Variants in CHSY1 observed in about 807,000 individuals in gnomAD.
CHSY1 encodes the protein N-acetylgalactosaminyl-proteoglycan 3-beta-glucuronosyltransferase 1.
CHSY1 carries 13 observed loss-of-function variants against 59.8 expected under a neutral mutation model. The ratio of observed to expected loss-of-function variants is 0.22; its 90% confidence interval spans 0.14 to 0.35. CHSY1 has a LOEUF of 0.35. CHSY1 is among the 10% of genes least tolerant of loss of function. The probability of loss-of-function intolerance (pLI) is 1.00; values close to 1 mark genes in which losing one functional copy is unlikely to be tolerated. For synonymous variants in CHSY1, 459 were observed against 401.2 expected, an observed-to-expected ratio of 1.14 and a Z score of -1.72; for missense variants, 947 against 1,030.6, an observed-to-expected ratio of 0.92 and a Z score of 1.11.
intron 2 of CHSY1, among the ~76,000 whole-genome samples, chr15:101,181,314 C>T (rs1056212963): frequency 1.3e-5 from 2 of 152,212 alleles, no homozygotes; most frequent in African/African-American, 2.4e-5. Context: ...ATGACAATTC[C>T]GGCAGAGATT....
chr15:101,239,554 T>G (rs1267266295), intron 1 of CHSY1, among the ~76,000 whole-genome samples: 1 of 152,188 alleles, frequency 6.6e-6, no homozygotes, highest in African/African-American at 2.4e-5. Context: ...TGTAAACAGC[T>G]TAGAAGCCTG....
chr15:101,212,813 T>C (rs1013627844), intron 2 of CHSY1, among the ~76,000 whole-genome samples: 1 of 152,082 alleles, frequency 6.6e-6, no homozygotes, highest in African/African-American at 2.4e-5. Context: ...ATAATAAACA[T>C]GTAGAAAACA....
intron 2 of CHSY1, among the ~76,000 whole-genome samples, chr15:101,205,931 GAA>G (rs955342671): frequency 6.6e-6 from 1 of 151,082 alleles, no homozygotes; most frequent in African/African-American, 2.4e-5. Flanking sequence ...CAGCCTGGGC[GAA>G]AGAGAGAGAC....
In CHSY1 at chr15:101,251,403, C is replaced by T; in HGVS notation, c.54G>A (p.Leu18=). ...CGAGCCGCGAGGCCAGCACGAAGCC[C>T]AGGACGAGCCCGAGCAGCACGCTGA... ...AWLSVLLGLV[L]GFVLASRLVL... is the part of the protein sequence containing the mutation. The change falls in exon 1 of 3, where the codon CTG becomes CTA. Residue 18 remains leucine, a synonymous_variant. Coordinates refer to ENST00000254190, the MANE Select transcript of CHSY1 (RefSeq NM_014918.5). 8.6e-7 allele frequency: 1 copy of T among 1,158,508 alleles called. No homozygotes were observed. The highest frequency in any genetic ancestry group is 1.1e-6 in the Non-Finnish European group (1 of 921,424). The allele number at this position is 1,158,508 out of a possible 1,614,324, so 71.8% of individuals were successfully genotyped here. A position where few individuals can be genotyped will look rare whatever the true frequency, so the allele number is the denominator to read the frequency against.
chr15:101,213,032 G>C lies in CHSY1; in HGVS notation c.816+22050C>G, dbSNP rs2038697408. Among the ~76,000 whole-genome samples, 4 of 152,102 alleles carry C rather than the reference G, an allele frequency of 2.6e-5. No individual in the cohort carries two copies. The South Asian group carries it at 8.3e-4, about 31-fold the overall frequency. On this transcript the variant is annotated intron_variant, in intron 2 of 2. Transcript: ENST00000254190. Reference sequence around the variant, plus strand: ...GGTGAAATTAATACTTGACAAAAATGAAGAAATTATCAATAGAAAATCTAT... The same window carrying C: ...GGTGAAATTAATACTTGACAAAAATCAAGAAATTATCAATAGAAAATCTAT...
rs553473414 is a variant in CHSY1 at position 101,251,131 on chromosome 15, G to A, written c.320+6C>T. 6.9e-5 allele frequency: 108 copies of A among 1,574,654 alleles called. 1 individual carries two copies. In the East Asian group the frequency reaches 2.2e-3, roughly 32 times the overall value. On this transcript the variant is annotated splice_donor_region_variant and intron_variant, in intron 1 of 2. Transcript: ENST00000254190. ...AGGAGGCGGTGCCCGGGGAGCAGGG[G>A]CTCACCTGTAGGCGGCCACGGCCCG...
At chr15:101,220,073 A>G (rs566466155) in intron 2 of CHSY1, among the ~76,000 whole-genome samples, 19 of 152,330 alleles carry the variant, frequency 1.2e-4, no homozygotes, top group African/African-American at 3.1e-4. Flanking sequence ...CTTTTTAAAC[A>G]TAATATTCAC....
intron 1 of CHSY1, among the ~76,000 whole-genome samples, chr15:101,246,411 C>T (rs764500388): frequency 6.8e-6 from 1 of 146,152 alleles, no homozygotes; most frequent in African/African-American, 2.6e-5. Context: ...AGCACAGAAA[C>T]TCTCTCAGCA....
chr15:101,245,451 G>A (rs1323621585), intron 1 of CHSY1, among the ~76,000 whole-genome samples: 1 of 152,144 alleles, frequency 6.6e-6, no homozygotes, highest in Non-Finnish European at 1.5e-5. Flanking sequence ...CTCCCCCACA[G>A]TGATTAGTTC....
At position 101,251,389 on chromosome 15, in the gene CHSY1, G is replaced by A. The variant is rs765086594; in HGVS notation, c.68C>T (p.Ala23Val). ...LLGLVLGFVLASRLVLPRASE... is the reference protein window; with the variant it reads ...LLGLVLGFVLVSRLVLPRASE... Reference sequence around the variant, plus strand: ...AGCCCGGGGCAGGACGAGCCGCGAGGCCAGCACGAAGCCCAGGACGAGCCC... The same window carrying A: ...AGCCCGGGGCAGGACGAGCCGCGAGACCAGCACGAAGCCCAGGACGAGCCC... The change falls in exon 1 of 3, where the codon GCC becomes GTC. Residue 23 changes from alanine (A) to valine (V), a missense_variant. This residue lies in a region of CHSY1 where 232 missense variants were observed against 188.5 expected (regional missense o/e 1.23). Coordinates refer to ENST00000254190, the MANE Select transcript of CHSY1 (RefSeq NM_014918.5). 2 of 1,167,620 alleles carry A rather than the reference G, an allele frequency of 1.7e-6. No homozygotes were observed. Among genetic ancestry groups the A allele is most frequent in the African/African-American group, 1.7e-5 (1 of 60,016 alleles). The allele number at this position is 1,167,620 out of a possible 1,614,324, so 72.3% of individuals were successfully genotyped here. A position where few individuals can be genotyped will look rare whatever the true frequency, so the allele number is the denominator to read the frequency against.
chr15:101,181,001 T>G (rs2038270645), intron 2 of CHSY1, among the ~76,000 whole-genome samples: 1 of 152,192 alleles, frequency 6.6e-6, no homozygotes, highest in South Asian at 2.1e-4. Context: ...CATAAAACCT[T>G]GAAGCAAATA....
At position 101,251,357 on chromosome 15, in the gene CHSY1, G is replaced by A. The variant is rs2039109518; in HGVS notation, c.100C>T (p.Leu34=). Residue 34 remains leucine (L), a synonymous_variant, in exon 1 of 3, where the codon CTG becomes TTG. Coordinates refer to ENST00000254190, the MANE Select transcript of CHSY1 (RefSeq NM_014918.5). ...SRLVLPRASE[L]KRAGPRRRAS... is the part of the protein sequence containing the mutation. ...CGGCGCCGTGGGCCCGCTCGCTTCA[G>A]CTCGGAAGCCCGGGGCAGGACGAGC... 1 of 1,158,034 alleles carries A rather than the reference G, an allele frequency of 8.6e-7. No homozygotes were observed. The highest frequency in any genetic ancestry group is 1.7e-5 in the South Asian group (1 of 58,186). The allele number at this position is 1,158,034 out of a possible 1,614,324, so 71.7% of individuals were successfully genotyped here.
intron 2 of CHSY1, among the ~76,000 whole-genome samples, chr15:101,225,417 C>T (rs1335173457): frequency 2.0e-5 from 3 of 152,012 alleles, no homozygotes; most frequent in Non-Finnish European, 2.9e-5. Context: ...GGCAGATTAC[C>T]GTTGATATAG....
At chr15:101,183,372 A>G (rs2038307742) in intron 2 of CHSY1, among the ~76,000 whole-genome samples, 1 of 152,210 alleles carries the variant, frequency 6.6e-6, no homozygotes, top group Admixed American at 6.5e-5. Flanking sequence ...AAGGGCATAT[A>G]CAAATAATCA....
intron 2 of CHSY1, among the ~76,000 whole-genome samples, chr15:101,185,207 T>C (rs1400543370): frequency 6.6e-6 from 1 of 152,234 alleles, no homozygotes; most frequent in Non-Finnish European, 1.5e-5. Flanking sequence ...ATGCTGTCTT[T>C]AGAGCTCTTT....
chr15:101,188,776 A>G (rs2038405250), intron 2 of CHSY1, among the ~76,000 whole-genome samples: 2 of 152,218 alleles, frequency 1.3e-5, no homozygotes, highest in Non-Finnish European at 2.9e-5. Context: ...GTAAAGCGAT[A>G]AAACTGAAAC....
intron 2 of CHSY1, among the ~76,000 whole-genome samples, chr15:101,219,346 A>G (rs2038765970): frequency 6.6e-6 from 1 of 152,226 alleles, no homozygotes; most frequent in Non-Finnish European, 1.5e-5. Context: ...TTCAGTCTCT[A>G]AAAGTTGATG....
At chr15:101,215,412 G>C (rs2038721489) in intron 2 of CHSY1, among the ~76,000 whole-genome samples, 1 of 152,214 alleles carries the variant, frequency 6.6e-6, no homozygotes, top group African/African-American at 2.4e-5. Context: ...GACCTTCACA[G>C]AGTTGCTATG....
In CHSY1 at chr15:101,176,558, G is replaced by A. The variant is rs1226320652; in HGVS notation, c.*830C>T. The A allele has an allele frequency of 2.3e-5, 9 of 396,410 alleles. No individual in the cohort carries two copies. Among genetic ancestry groups the A allele is most frequent in the East Asian group, 1.8e-4 (5 of 28,002 alleles). 24.6% of individuals were successfully genotyped at this position (396,410 alleles called of 1,614,324 possible). On this transcript the variant is annotated 3_prime_UTR_variant, in exon 3 of 3. Transcript: ENST00000254190. ...CACGAGAACAGCCACATACCTCACTGTGCCTTCTTCACGCCCCTTGCTTTA... is the reference window on the plus strand; with the variant it reads ...CACGAGAACAGCCACATACCTCACTATGCCTTCTTCACGCCCCTTGCTTTA...
Sources: gnomAD v4.1 joint callset for allele counts (sites outside exome capture counted in the v4.1 genomes callset) on GRCh38, gnomAD v4.1.1 for gene constraint, gnomAD v4.1.1 regional missense constraint, MANE v1.5 for transcripts, NCBI Gene and HGNC (gene_info 2026-07-23, HGNC 2026-07-21) for gene names.